Variants in FAM219A observed in about 807,000 individuals in gnomAD.
FAM219A encodes family with sequence similarity 219 member A, also known as protein FAM219A.
FAM219A carries 7 observed loss-of-function variants against 23.4 expected under a neutral mutation model. The observed-to-expected ratio is 0.30, with a 90% CI of 0.17 to 0.56. The LOEUF (loss-of-function observed/expected upper bound fraction) is 0.56. FAM219A is among the 20% of genes least tolerant of loss of function. The pLI, the probability that FAM219A is intolerant of heterozygous loss-of-function variation, is 0.92. For synonymous variants in FAM219A, 93 were observed against 99.0 expected (o/e 0.94, Z 0.36); for missense variants, 166 against 246.9 (o/e 0.67, Z 2.20).
chr9:34,448,482 AG>A (rs1434491491), intron 1 of FAM219A, among the ~76,000 whole-genome samples: 1 of 152,214 alleles, frequency 6.6e-6, no homozygotes, highest in African/African-American at 2.4e-5. Flanking sequence ...ATTGGCATGA[AG>A]GGTAATGCCT....
intron 1 of FAM219A, among the ~76,000 whole-genome samples, chr9:34,412,650 G>A (rs1291510930): frequency 1.3e-5 from 2 of 151,112 alleles, no homozygotes; most frequent in African/African-American, 4.9e-5. Flanking sequence ...TCCAACCTTA[G>A]ATAATGAATG....
At chr9:34,416,808 ATTTTTTT>A (rs781741211) in intron 1 of FAM219A, among the ~76,000 whole-genome samples, 3 of 113,640 alleles carry the variant, frequency 2.6e-5, no homozygotes, top group Non-Finnish European at 1.7e-5. Flanking sequence ...TCAGCTCTCC[ATTTTTTT>A]TTTTTTTTTT....
chr9:34,452,133 T>C (rs1823581282), intron 1 of FAM219A, among the ~76,000 whole-genome samples: 2 of 152,196 alleles, frequency 1.3e-5, no homozygotes, highest in African/African-American at 4.8e-5. Context: ...TCCTTGCTGC[T>C]ACCACCAATT....
chr9:34,437,615 C>T (rs1296285507), intron 1 of FAM219A, among the ~76,000 whole-genome samples: 2 of 152,250 alleles, frequency 1.3e-5, no homozygotes, highest in African/African-American at 4.8e-5. Context: ...GGTTTTGCCA[C>T]TTACTAGGTT....
intron 1 of FAM219A, among the ~76,000 whole-genome samples, chr9:34,450,814 AAACCAGGCAAGGAGCC>A (rs1244268309): frequency 6.6e-6 from 1 of 152,212 alleles, no homozygotes; most frequent in African/African-American, 2.4e-5. Context: ...AAATCAGGCA[AAACCAGGCAAGGAGCC>A]ACAGTCACTG....
chr9:34,453,905 C>T (rs1214722095), intron 1 of FAM219A, among the ~76,000 whole-genome samples: 1 of 152,214 alleles, frequency 6.6e-6, no homozygotes, highest in Non-Finnish European at 1.5e-5. Context: ...GTTTCTCATA[C>T]AAACAATATA....
At chr9:34,427,507 A>C (rs537518280) in intron 1 of FAM219A, among the ~76,000 whole-genome samples, 1 of 152,294 alleles carries the variant, frequency 6.6e-6, no homozygotes, top group Non-Finnish European at 1.5e-5. Context: ...CACTTAGCAA[A>C]TTTTATTTAA....
At chr9:34,421,570 T>C (rs1822286985) in intron 1 of FAM219A, among the ~76,000 whole-genome samples, 1 of 151,914 alleles carries the variant, frequency 6.6e-6, no homozygotes, top group Admixed American at 6.6e-5. Context: ...CACCTCGTAC[T>C]CCAGGCATCA....
intron 1 of FAM219A, among the ~76,000 whole-genome samples, chr9:34,449,240 GTGGGAGGATCACCTGAGC>G (rs1294569026): frequency 6.6e-6 from 1 of 152,194 alleles, no homozygotes; most frequent in Admixed American, 6.5e-5. Flanking sequence ...GGAGGCTGAG[GTGGGAGGATCACCTGAGC>G]TGGGGAAGGT....
intron 1 of FAM219A, among the ~76,000 whole-genome samples, chr9:34,416,968 C>T (rs1314763479): frequency 6.6e-6 from 1 of 152,018 alleles, no homozygotes; most frequent in Non-Finnish European, 1.5e-5. Flanking sequence ...TCTGGGATTA[C>T]AGGTACATGT....
At position 34,400,917 on chromosome 9, in the gene FAM219A, C is replaced by T. The variant is rs762366217; in HGVS notation, c.*47G>A. On this transcript the variant is annotated 3_prime_UTR_variant, in exon 6 of 6. Transcript: ENST00000651358. ...AAGGGGTCGGCCTCTGCCCGTCCTA[C>T]CCGGCCCTTGGCGGCCCCGCCCCGG... is the stretch of plus-strand genomic sequence containing the variant. 17 of 1,487,780 alleles carry T rather than the reference C, an allele frequency of 1.1e-5. No homozygotes were observed. Among genetic ancestry groups the T allele is most frequent in the Non-Finnish European group, 1.3e-5 (15 of 1,117,280 alleles). The allele number at this position is 1,487,780 out of a possible 1,614,324, so 92.2% of individuals were successfully genotyped here. A position where few individuals can be genotyped will look rare whatever the true frequency, so the allele number is the denominator to read the frequency against.
At chr9:34,414,799 A>G (rs1169460409) in intron 1 of FAM219A, among the ~76,000 whole-genome samples, 2 of 152,234 alleles carry the variant, frequency 1.3e-5, no homozygotes, top group Non-Finnish European at 2.9e-5. Context: ...AATCTCCCAA[A>G]TCTTCTAAGT....
chr9:34,416,205 A>T lies in FAM219A; in HGVS notation c.61-10241T>A, dbSNP rs149465571. 9.6e-3 allele frequency among the ~76,000 whole-genome samples: 862 copies of T among 90,044 alleles called. 5 individuals are homozygous for T. The highest frequency in any genetic ancestry group is 0.016 in the Non-Finnish European group (576 of 36,514). 59.1% of individuals were successfully genotyped at this position (90,044 alleles called of 152,430 possible). A position where few individuals can be genotyped will look rare whatever the true frequency, so the allele number is the denominator to read the frequency against. ...GAGAAAAGAAAGAAAGAAAGAAAGA[A>T]AGAAAGAAAGAAAGAAAGAAAGAAA... On this transcript the variant is annotated intron_variant, in intron 1 of 5. Transcript: ENST00000651358.
intron 1 of FAM219A, among the ~76,000 whole-genome samples, chr9:34,411,123 G>A (rs1198654991): frequency 6.6e-6 from 1 of 152,174 alleles, no homozygotes; most frequent in Non-Finnish European, 1.5e-5. Context: ...GAAGGTATCT[G>A]TAGAAAAGGT....
chr9:34,401,881 A>G (rs1821449375), intron 4 of FAM219A, among the ~76,000 whole-genome samples, 161 bp from the exon 5 acceptor site: 1 of 152,200 alleles, frequency 6.6e-6, no homozygotes, highest in Admixed American at 6.5e-5. Flanking sequence ...CAGGATTTTA[A>G]AGACAAGTTC....
At chr9:34,430,298 T>A (rs1052296866) in intron 1 of FAM219A, among the ~76,000 whole-genome samples, 1 of 151,218 alleles carries the variant, frequency 6.6e-6, no homozygotes, top group Non-Finnish European at 1.5e-5. Context: ...GGAGGCTGAG[T>A]TGGGTGGATC....
intron 1 of FAM219A, among the ~76,000 whole-genome samples, chr9:34,442,976 C>T (rs912486175): frequency 2.0e-5 from 3 of 151,610 alleles, no homozygotes; most frequent in Admixed American, 6.6e-5. Flanking sequence ...TAAATTAAAT[C>T]GATATTCAAA....
chr9:34,400,598 A>G lies in FAM219A; in HGVS notation c.*366T>C, dbSNP rs111390903. ...TTCATGGCTTCGCTGGGGTGGGGCC[A>G]AGCCCCTGGCTTTGTGATCCCCCCA... is the stretch of plus-strand genomic sequence containing the variant. On this transcript the variant is annotated 3_prime_UTR_variant, in exon 6 of 6. Transcript: ENST00000651358. The G allele has an allele frequency of 3.4e-3, 625 of 183,268 alleles. 7 individuals carry two copies. The highest frequency in any genetic ancestry group is 0.014 in the African/African-American group (581 of 42,804). The allele number at this position is 183,268 out of a possible 1,614,324, so 11.4% of individuals were successfully genotyped here.
chr9:34,409,387 A>C (rs866024139), intron 1 of FAM219A, among the ~76,000 whole-genome samples: 4 of 152,264 alleles, frequency 2.6e-5, no homozygotes, highest in Non-Finnish European at 5.9e-5. Flanking sequence ...GACTCCAGGC[A>C]GAAGGAAGTG....
Sources: gnomAD v4.1 joint callset for allele counts (sites outside exome capture counted in the v4.1 genomes callset) on GRCh38, gnomAD v4.1.1 for gene constraint, MANE v1.5 for transcripts, NCBI Gene and HGNC (gene_info 2026-07-23, HGNC 2026-07-21) for gene names.